Variants in ATXN1 observed in about 807,000 individuals in gnomAD.
ATXN1 encodes the protein ataxin-1.
A neutral mutation model predicts 56.4 loss-of-function variants in ATXN1; 8 were observed. The ratio of observed to expected loss-of-function variants is 0.14; its 90% CI spans 0.08 to 0.26. The LOEUF (loss-of-function observed/expected upper bound fraction) is 0.26, where lower values mean the gene tolerates loss of function less well. ATXN1 is among the 10% of genes least tolerant of loss of function. The probability of loss-of-function intolerance (pLI) is 1.00; values close to 1 mark genes in which losing one functional copy is unlikely to be tolerated. For missense variants in ATXN1, 987 were observed against 1,106.5 expected (o/e 0.89, Z 1.53); for synonymous variants, 514 against 494.6 (o/e 1.04, Z -0.52).
Position 16,512,731 on chromosome 6 carries a change from C to T in ATXN1, c.-299+9896G>A, listed in dbSNP as rs58786258. Among the ~76,000 whole-genome samples, 378 of 152,302 alleles carry T rather than the reference C, an allele frequency of 2.5e-3. 2 individuals are homozygous for T. Among genetic ancestry groups the T allele is most frequent in the African/African-American group, 8.5e-3 (352 of 41,556 alleles). ...ACCAACAGCAACAAACAGTCATTCC[C>T]TCCCTCCTGCAAGTGAGGGTGACAG... On this transcript the variant is annotated intron_variant, in intron 5 of 7. Transcript: ENST00000436367.
At chr6:16,673,751 AG>A (rs368402579) in intron 2 of ATXN1, among the ~76,000 whole-genome samples, 127 of 152,254 alleles carry the variant, frequency 8.3e-4, no homozygotes, top group African/African-American at 3.0e-3. Flanking sequence ...TCCTGAGCTC[AG>A]GCGATCCTCC....
At chr6:16,439,479 G>A (rs938510581) in intron 6 of ATXN1, among the ~76,000 whole-genome samples, 5 of 150,108 alleles carry the variant, frequency 3.3e-5, no homozygotes, top group African/African-American at 9.8e-5. Flanking sequence ...TTTACTCAGC[G>A]TCCAGCGTCC....
chr6:16,761,160 G>A (rs2113558063), intron 1 of ATXN1, 138 bp downstream of exon 1: 2 of 368,148 alleles, frequency 5.4e-6, no homozygotes, highest in South Asian at 4.0e-5. Flanking sequence ...GCCGATTGGG[G>A]TTTTGGGTTT....
rs543274695 is a variant in ATXN1 at position 16,317,007 on chromosome 6, T to A, written c.1917+9387A>T. Reference sequence around the variant, plus strand: ...CTTTCTCAGCGGAGCCATAGCCACCTCACCTTGTCAGATGCTGAGGTCGTC... The same window carrying A: ...CTTTCTCAGCGGAGCCATAGCCACCACACCTTGTCAGATGCTGAGGTCGTC... On this transcript the variant is annotated intron_variant, in intron 7 of 7. Transcript: ENST00000436367. 1.9e-4 allele frequency among the ~76,000 whole-genome samples: 28 copies of A among 151,192 alleles called. 1 individual carries two copies. Among genetic ancestry groups the A allele is most frequent in the East Asian group, 4.0e-4 (2 of 4,980 alleles).
At chr6:16,657,250 G>C (rs1363037019) in intron 3 of ATXN1, among the ~76,000 whole-genome samples, 1 of 152,116 alleles carries the variant, frequency 6.6e-6, no homozygotes, top group Non-Finnish European at 1.5e-5. Flanking sequence ...GCCTCCCAAA[G>C]TGCTGGGATT....
intron 6 of ATXN1, among the ~76,000 whole-genome samples, chr6:16,336,039 A>G (rs1467576763): frequency 6.6e-6 from 1 of 152,270 alleles, no homozygotes; most frequent in African/African-American, 2.4e-5. Context: ...CTAAGAAACC[A>G]ATCCAAATAT....
chr6:16,340,223 G>C (rs1761215385), intron 6 of ATXN1, among the ~76,000 whole-genome samples: 2 of 152,210 alleles, frequency 1.3e-5, no homozygotes, highest in African/African-American at 4.8e-5. Flanking sequence ...ATTTATGATG[G>C]GGGCTTTGGG....
intron 2 of ATXN1, among the ~76,000 whole-genome samples, chr6:16,732,891 A>G (rs1172754948): frequency 6.6e-6 from 1 of 152,210 alleles, no homozygotes; most frequent in Non-Finnish European, 1.5e-5. Context: ...TAAATCCTAA[A>G]CAGCTAAGAC....
chr6:16,351,480 G>A (rs186392993), intron 6 of ATXN1, among the ~76,000 whole-genome samples: 322 of 150,022 alleles, frequency 2.1e-3, no homozygotes, highest in African/African-American at 7.3e-3. Flanking sequence ...TTGGCTCACT[G>A]TAGCTTCGAC....
Position 16,598,840 on chromosome 6 carries a change from CT to C in ATXN1, c.-488-12934del, listed in dbSNP as rs370236581. Among the ~76,000 whole-genome samples the C allele has an allele frequency of 5.5e-3, 836 of 152,338 alleles. 5 individuals carry two copies. Among genetic ancestry groups the C allele is most frequent in the South Asian group, 0.015 (70 of 4,826 alleles). The stretch of plus-strand genomic sequence containing the variant: ...GGCTGACACCATTTTGCAGTGTTCA[CT>C]GGCAAGGCTGCTGACATAGAAACTG... On this transcript the variant is annotated intron_variant, in intron 3 of 7. Coordinates refer to ENST00000436367, the MANE Select transcript of ATXN1 (RefSeq NM_001128164.2).
intron 1 of ATXN1, among the ~76,000 whole-genome samples, chr6:16,759,390 C>G (rs1561842898): frequency 6.6e-6 from 1 of 152,162 alleles, no homozygotes; most frequent in African/African-American, 2.4e-5. Context: ...CTGTGGATCT[C>G]GCAGGGAAGC....
intron 6 of ATXN1, among the ~76,000 whole-genome samples, chr6:16,333,257 T>G (rs2113424458): frequency 6.6e-6 from 1 of 152,354 alleles, no homozygotes; most frequent in East Asian, 1.9e-4. Flanking sequence ...TTATCATAAA[T>G]TTTATACACA....
rs545374808 is a variant in ATXN1 at position 16,759,569 on chromosome 6, C to T, written c.-730+1729G>A. On this transcript the variant is annotated intron_variant, in intron 1 of 7. Transcript: ENST00000436367. ...TTTTTTTTTTTTTTTGCCCTTACTA[C>T]TCTTCAGCAATTTCCCTCTTCTCAA... Among the ~76,000 whole-genome samples the T allele has an allele frequency of 2.8e-3, 311 of 112,012 alleles. 1 individual carries two copies. Among genetic ancestry groups the T allele is most frequent in the South Asian group, 8.4e-3 (27 of 3,230 alleles). 73.5% of individuals were successfully genotyped at this position (112,012 alleles called of 152,430 possible).
chr6:16,704,071 G>A (rs532795408), intron 2 of ATXN1, among the ~76,000 whole-genome samples: 2 of 152,210 alleles, frequency 1.3e-5, no homozygotes, highest in African/African-American at 4.8e-5. Flanking sequence ...TTTATGTTGA[G>A]TGTCTCTAAC....
intron 3 of ATXN1, among the ~76,000 whole-genome samples, chr6:16,613,514 A>G (rs1427057419): frequency 6.6e-6 from 1 of 152,034 alleles, no homozygotes; most frequent in Non-Finnish European, 1.5e-5. Context: ...GTAATATTTG[A>G]CTGTGTTAAC....
chr6:16,750,966 C>T (rs986773481), intron 2 of ATXN1, among the ~76,000 whole-genome samples: 1 of 148,662 alleles, frequency 6.7e-6, no homozygotes, highest in African/African-American at 2.5e-5. Flanking sequence ...TTTCTTTCCT[C>T]TCTTTTTTTT....
chr6:16,624,636 T>G (rs1763376792), intron 3 of ATXN1, among the ~76,000 whole-genome samples: 1 of 152,198 alleles, frequency 6.6e-6, no homozygotes, highest in East Asian at 1.9e-4. Context: ...TTTTTTATTT[T>G]TATAAGCTAT....
At chr6:16,549,903 A>AAG (rs1761885926) in intron 4 of ATXN1, among the ~76,000 whole-genome samples, 1 of 150,302 alleles carries the variant, frequency 6.7e-6, no homozygotes, top group South Asian at 2.1e-4. Flanking sequence ...TCTCAAAAAA[A>AAG]AAAAAAAAAA....
intron 2 of ATXN1, among the ~76,000 whole-genome samples, chr6:16,695,445 G>A (rs1050455975): frequency 6.6e-6 from 1 of 152,130 alleles, no homozygotes; most frequent in Non-Finnish European, 1.5e-5. Flanking sequence ...GACTACCTCT[G>A]TTTCCTGGAA....
Sources: gnomAD v4.1 joint callset for allele counts (sites outside exome capture counted in the v4.1 genomes callset) on GRCh38, gnomAD v4.1.1 for gene constraint, MANE v1.5 for transcripts, NCBI Gene and HGNC (gene_info 2026-07-23, HGNC 2026-07-21) for gene names.